FCN3: variants seen among roughly 807,000 people sequenced by gnomAD.
FCN3 encodes ficolin-3.
In FCN3, 28 loss-of-function variants were observed where a neutral mutation model predicts 31.5. The observed-to-expected ratio is 0.89, with a 90% confidence interval of 0.66 to 1.22. The LOEUF (loss-of-function observed/expected upper bound fraction) is 1.22. Among genes scored for constraint, FCN3 ranks in the 50% most tolerant of loss-of-function variants. FCN3 has a pLI of 0.00. For synonymous variants in FCN3, 124 were observed against 147.4 expected (o/e 0.84, Z 1.15); for missense variants, 351 against 386.8 (o/e 0.91, Z 0.78).
chr1:27,373,438 C>T (rs756039497), intron 4 of FCN3, 50 bp downstream of exon 4: 7 of 1,611,054 alleles, frequency 4.3e-6, no homozygotes, highest in Non-Finnish European at 5.9e-6. Flanking sequence ...TCTGCCAACA[C>T]CCAACACCAT....
rs370673118 is a variant in FCN3 at position 27,374,455 on chromosome 1, C to G, written c.92-4G>C. On this transcript the variant is annotated splice_region_variant and splice_polypyrimidine_tract_variant and intron_variant, in intron 1 of 7. Coordinates refer to ENST00000270879, the MANE Select transcript of FCN3 (RefSeq NM_003665.4). ...CTGGCTTCCAGTTCCCTGGGTCCTA[C>G]AGGGAGACACAGGCAGGGTGGGCAC... is the stretch of plus-strand genomic sequence containing the variant. The G allele has an allele frequency of 5.7e-5, 91 of 1,599,178 alleles. No individual in the cohort carries two copies. The African/African-American group carries it at 1.2e-3, about 20-fold the overall frequency.
In FCN3 at chr1:27,373,154, G is replaced by C; in HGVS notation, c.375C>G (p.Thr125=). The C allele has an allele frequency of 6.2e-7, 1 of 1,613,904 alleles. No individual in the cohort carries two copies. The highest frequency in any genetic ancestry group is 1.1e-5 in the South Asian group (1 of 91,080). Residue 125 remains threonine, a synonymous_variant, in exon 5 of 8, where the codon ACC becomes ACG. Transcript: ENST00000270879. ...RALPVFCDMD[T]EGGGWLVFQR... is the part of the protein sequence containing the mutation. ...CACTCACCAGCCAGCCGCCCCCCTC[G>C]GTGTCCATGTCACAAAAGACTGGGA...
At chr1:27,372,106 C>T (rs562502843) in intron 5 of FCN3, among the ~76,000 whole-genome samples, 2 of 152,218 alleles carry the variant, frequency 1.3e-5, no homozygotes, top group South Asian at 2.1e-4. Context: ...CTTCCTAAAC[C>T]ATGTCCCTGC....
chr1:27,373,070 C>T lies in FCN3; in HGVS notation c.393+66G>A. On this transcript the variant is annotated intron_variant, in intron 5 of 7. Coordinates refer to ENST00000270879, the MANE Select transcript of FCN3 (RefSeq NM_003665.4). ...CCTTGCTCTGGTGGGTTCTGGCTCC[C>T]CTAGGGGCCAAGGGGGAGAAGTGAC... 6 of 1,576,696 alleles carry T rather than the reference C, an allele frequency of 3.8e-6. No individual in the cohort carries two copies. In the South Asian group the frequency reaches 6.9e-5, roughly 18 times the overall value.
chr1:27,370,433 A>C, intron 7 of FCN3, 163 bp downstream of exon 7: 1 of 656,590 alleles, frequency 1.5e-6, no homozygotes, highest in Non-Finnish European at 2.6e-6. Flanking sequence ...CCAGATCCCA[A>C]ATTCTTCACT....
At chr1:27,369,502 C>A in intron 7 of FCN3, 25 bp from the exon 8 acceptor site, 1 of 1,610,062 alleles carries the variant, frequency 6.2e-7, no homozygotes, top group Non-Finnish European at 8.5e-7. Flanking sequence ...ATGGAAAGCA[C>A]CTTGGTGCCC....
chr1:27,370,261 G>A (rs1023527799), intron 7 of FCN3, among the ~76,000 whole-genome samples: 2 of 151,850 alleles, frequency 1.3e-5, no homozygotes, highest in African/African-American at 4.8e-5. Flanking sequence ...TGCCCGCCTC[G>A]GCCTCCCAGA....
chr1:27,370,009 CT>C (rs34560038), intron 7 of FCN3, among the ~76,000 whole-genome samples: 50,138 of 144,632 alleles, frequency 0.35, 8,671 homozygotes, highest in South Asian at 0.43. Flanking sequence ...CTCCCCCCGC[CT>C]TTTTTTTTTT....
At chr1:27,374,704 G>A in intron 1 of FCN3, 24 bp downstream of exon 1, 14 of 1,364,168 alleles carry the variant, frequency 1.0e-5, no homozygotes, top group East Asian at 5.2e-5. Context: ...GTGGGTTGGT[G>A]AGGAGGGCAC....
chr1:27,370,009 C>CTT (rs34560038), intron 7 of FCN3, among the ~76,000 whole-genome samples: 2 of 144,798 alleles, frequency 1.4e-5, no homozygotes, highest in Non-Finnish European at 1.5e-5. Context: ...CTCCCCCCGC[C>CTT]TTTTTTTTTT....
chr1:27,372,468 G>A (rs1044037704), intron 5 of FCN3, among the ~76,000 whole-genome samples: 4 of 152,094 alleles, frequency 2.6e-5, no homozygotes, highest in Non-Finnish European at 5.9e-5. Context: ...GGCTGATCTC[G>A]AACTCTTGAC....
At chr1:27,371,079 G>T (rs1194431195) in intron 5 of FCN3, 107 bp from the exon 6 acceptor site, 4 of 1,127,846 alleles carry the variant, frequency 3.5e-6, no homozygotes, top group Non-Finnish European at 5.1e-6. Flanking sequence ...TTTGGATTGG[G>T]GCCTGTTGAT....
intron 4 of FCN3, 23 bp downstream of exon 4, chr1:27,373,465 G>A: frequency 6.2e-7 from 1 of 1,613,720 alleles, no homozygotes. Flanking sequence ...CCAAGTTCCT[G>A]GCTCCTGCAA....
At position 27,374,342 on chromosome 1, in the gene FCN3, C is replaced by G. The variant is rs1334305840; in HGVS notation, c.187+14G>C. On this transcript the variant is annotated intron_variant, in intron 2 of 7. Coordinates refer to ENST00000270879, the MANE Select transcript of FCN3 (RefSeq NM_003665.4). ...CATTCCCAAGATCCCAGCCCGCTCC[C>G]CAGCCCCTCTCACCTTGAGGACCTG... is the stretch of plus-strand genomic sequence containing the variant. 6.3e-7 allele frequency: 1 copy of G among 1,593,342 alleles called. No homozygotes were observed. The highest frequency in any genetic ancestry group is 1.3e-5 in the African/African-American group (1 of 74,558).
chr1:27,370,347 T>G, intron 7 of FCN3: 1 of 488,084 alleles, frequency 2.0e-6, no homozygotes, highest in Non-Finnish European at 3.7e-6. Context: ...TGAGGCTCAG[T>G]GGAGGGGTAG....
At chr1:27,373,380 G>T (rs549607106) in intron 4 of FCN3, 108 bp downstream of exon 4, 2 of 1,593,614 alleles carry the variant, frequency 1.3e-6, no homozygotes, top group African/African-American at 1.3e-5. Flanking sequence ...GGTCCCTGAA[G>T]AAGGGTTCTG....
rs2016090020 is a variant in FCN3, at chr1:27,369,110, T to C, written c.*126A>G. ...TTTTTTCCCAGTAACTGGAAGAGTC[T>C]TGAAAGGGCTAAAATGATTTTATTT... On this transcript the variant is annotated 3_prime_UTR_variant, in exon 8 of 8. Coordinates refer to ENST00000270879, the MANE Select transcript of FCN3 (RefSeq NM_003665.4). 4 of 1,188,788 alleles carry C rather than the reference T, an allele frequency of 3.4e-6. No homozygotes were observed. Among genetic ancestry groups the C allele is most frequent in the Admixed American group, 4.6e-5 (2 of 43,254 alleles). 73.6% of individuals were successfully genotyped at this position (1,188,788 alleles called of 1,614,324 possible). A position where few individuals can be genotyped will look rare whatever the true frequency, so the allele number is the denominator to read the frequency against.
At chr1:27,372,574 A>G (rs190301256) in intron 5 of FCN3, among the ~76,000 whole-genome samples, 29 of 152,224 alleles carry the variant, frequency 1.9e-4, no homozygotes, top group Admixed American at 1.6e-3. Flanking sequence ...CGCGCTGCAC[A>G]CTTCTTAAGT....
rs374018072 is a variant in FCN3 at position 27,370,982 on chromosome 1, G to C, written c.394-10C>G. On this transcript the variant is annotated splice_polypyrimidine_tract_variant and intron_variant, in intron 5 of 7. Coordinates refer to ENST00000270879, the MANE Select transcript of FCN3 (RefSeq NM_003665.4). ...GGCGCCTCTGAAACACCTGGGGGAG[G>C]GGGGGCACAGCAGCTATTACTCCAG... The C allele has an allele frequency of 9.3e-6, 15 of 1,611,002 alleles. No homozygotes were observed. The highest frequency in any genetic ancestry group is 2.2e-5 in the East Asian group (1 of 44,866).
Sources: allele counts gnomAD v4.1 joint callset (sites outside exome capture counted in the v4.1 genomes callset), GRCh38; gene constraint gnomAD v4.1.1; transcripts MANE v1.5; gene names NCBI Gene and HGNC (gene_info 2026-07-23, HGNC 2026-07-21).